PLCB1: variants seen among roughly 807,000 people sequenced by gnomAD.
PLCB1 encodes phospholipase C beta 1, also known as 1-phosphatidylinositol 4,5-bisphosphate phosphodiesterase beta-1.
A neutral mutation model predicts 161.8 loss-of-function variants in PLCB1; 46 were observed. That is an observed-to-expected ratio of 0.28 (90% CI 0.22 to 0.36). The LOEUF is 0.36. Among genes scored for constraint, PLCB1 ranks in the 10% least tolerant of loss-of-function variants. The pLI, the probability that PLCB1 is intolerant of heterozygous loss-of-function variation, is 1.00. For missense variants in PLCB1, 1,016 were observed against 1,472.5 expected (o/e 0.69, Z 5.07); for synonymous variants, 517 against 503.7 (o/e 1.03, Z -0.35).
intron 2 of PLCB1, among the ~76,000 whole-genome samples, chr20:8,255,460 G>A (rs1183730496): frequency 1.3e-5 from 2 of 151,966 alleles, no homozygotes; most frequent in Non-Finnish European, 2.9e-5. Context: ...TTTAAAGAAT[G>A]TTATAGTTGT....
intron 2 of PLCB1, among the ~76,000 whole-genome samples, chr20:8,315,572 T>C (rs1238603988): frequency 1.3e-5 from 2 of 152,206 alleles, no homozygotes; most frequent in Non-Finnish European, 2.9e-5. Context: ...ACTTGTGTTC[T>C]TGTGTTCTTA....
At chr20:8,648,983 A>C (rs967422067) in intron 6 of PLCB1, among the ~76,000 whole-genome samples, 3 of 150,942 alleles carry the variant, frequency 2.0e-5, no homozygotes, top group Non-Finnish European at 4.4e-5. Context: ...AAAAGAAATT[A>C]ATTTAAAAGT....
chr20:8,166,531 A>G (rs1600211300), intron 2 of PLCB1, among the ~76,000 whole-genome samples: 1 of 152,072 alleles, frequency 6.6e-6, no homozygotes, highest in Admixed American at 6.6e-5. Context: ...TTATTTTACC[A>G]TCTGGATACA....
At chr20:8,667,411 A>C (rs891022092) in intron 9 of PLCB1, among the ~76,000 whole-genome samples, 1 of 152,214 alleles carries the variant, frequency 6.6e-6, no homozygotes, top group African/African-American at 2.4e-5. Flanking sequence ...AGAATGAAAA[A>C]AAAATTTTTC....
At chr20:8,134,721 T>C (rs2051327909) in intron 1 of PLCB1, among the ~76,000 whole-genome samples, 1 of 151,940 alleles carries the variant, frequency 6.6e-6, no homozygotes, top group Non-Finnish European at 1.5e-5. Context: ...TTGAGGGTAA[T>C]AGAGAGGACG....
intron 3 of PLCB1, among the ~76,000 whole-genome samples, chr20:8,506,289 C>T (rs1421895317): frequency 6.6e-6 from 1 of 152,190 alleles, no homozygotes; most frequent in Non-Finnish European, 1.5e-5. Flanking sequence ...CTCAATTGAA[C>T]TTGCTAATCT....
At chr20:8,609,536 T>C (rs1380217020) in intron 3 of PLCB1, among the ~76,000 whole-genome samples, 1 of 152,198 alleles carries the variant, frequency 6.6e-6, no homozygotes, top group African/African-American at 2.4e-5. Context: ...AACCATCTTT[T>C]TTCTCTTCAA....
chr20:8,822,848 A>G (rs188283080), intron 31 of PLCB1, among the ~76,000 whole-genome samples: 1 of 152,326 alleles, frequency 6.6e-6, no homozygotes, highest in Admixed American at 6.5e-5. Flanking sequence ...ATATCTCTAT[A>G]AAGTTCCCTG....
At chr20:8,577,311 A>G (rs745311413) in intron 3 of PLCB1, among the ~76,000 whole-genome samples, 4 of 150,676 alleles carry the variant, frequency 2.7e-5, no homozygotes, top group East Asian at 2.0e-4. Context: ...GGTGGCGGGC[A>G]CCTGTAATCC....
chr20:8,776,186 A>G (rs1344591711), intron 27 of PLCB1, among the ~76,000 whole-genome samples: 1 of 152,226 alleles, frequency 6.6e-6, no homozygotes, highest in Non-Finnish European at 1.5e-5. Context: ...TGAGTCATTT[A>G]CAGGAAACAG....
intron 2 of PLCB1, among the ~76,000 whole-genome samples, chr20:8,229,856 C>CATAAA (rs1172390547): frequency 2.0e-3 from 69 of 35,074 alleles, no homozygotes; most frequent in African/African-American, 5.4e-3. Flanking sequence ...GAGCCCATCT[C>CATAAA]ATAAAATAAA....
intron 31 of PLCB1, among the ~76,000 whole-genome samples, chr20:8,844,131 T>G (rs536800115): frequency 5.3e-5 from 8 of 152,336 alleles, no homozygotes; most frequent in African/African-American, 1.9e-4. Flanking sequence ...ATAAAATTAC[T>G]TTTTAAATGG....
At chr20:8,238,999 A>G (rs1980471878) in intron 2 of PLCB1, among the ~76,000 whole-genome samples, 1 of 151,900 alleles carries the variant, frequency 6.6e-6, no homozygotes, top group Non-Finnish European at 1.5e-5. Flanking sequence ...GCATGTCTTT[A>G]GGTAGAGCAA....
At chr20:8,351,660 A>T (rs955998197) in intron 2 of PLCB1, among the ~76,000 whole-genome samples, 25 of 152,174 alleles carry the variant, frequency 1.6e-4, no homozygotes, top group Admixed American at 1.2e-3. Context: ...TAAATAATGT[A>T]AATTAATATT....
chr20:8,884,162 A>G lies in PLCB1; in HGVS notation c.*2313A>G, dbSNP rs976979345. Reference sequence around the variant, plus strand: ...ACTGTAATCACATTTTTATATCTGTACAATGACACTTTTTGCAGTTGTGGG... The same window carrying G: ...ACTGTAATCACATTTTTATATCTGTGCAATGACACTTTTTGCAGTTGTGGG... On this transcript the variant is annotated 3_prime_UTR_variant, in exon 32 of 32. Transcript: ENST00000338037. The G allele has an allele frequency of 6.6e-6, 1 of 152,564 alleles. No individual in the cohort carries two copies. Among genetic ancestry groups the G allele is most frequent in the Non-Finnish European group, 1.5e-5 (1 of 68,026 alleles). The allele number at this position is 152,564 out of a possible 1,614,324, so 9.5% of individuals were successfully genotyped here.
intron 26 of PLCB1, among the ~76,000 whole-genome samples, chr20:8,773,037 G>A (rs150256077): frequency 1.3e-4 from 20 of 152,292 alleles, no homozygotes; most frequent in African/African-American, 4.8e-4. Context: ...TAGAATGTCC[G>A]TCCTCATTTG....
At chr20:8,374,849 A>G (rs1390808787) in intron 3 of PLCB1, among the ~76,000 whole-genome samples, 2 of 152,208 alleles carry the variant, frequency 1.3e-5, no homozygotes, top group Non-Finnish European at 2.9e-5. Flanking sequence ...TTATCAAAAT[A>G]CCCAGGCACC....
intron 3 of PLCB1, among the ~76,000 whole-genome samples, chr20:8,506,986 A>C (rs1473043978): frequency 6.6e-6 from 1 of 152,192 alleles, no homozygotes; most frequent in African/African-American, 2.4e-5. Context: ...CTAAAAACTT[A>C]ATGACTAAGA....
chr20:8,152,713 A>G (rs182957051), intron 2 of PLCB1, among the ~76,000 whole-genome samples: 60 of 151,972 alleles, frequency 3.9e-4, no homozygotes, highest in African/African-American at 1.4e-3. Flanking sequence ...GGAAGCTTGC[A>G]TTGGTATTTA....
Sources: gnomAD v4.1 joint callset for allele counts (sites outside exome capture counted in the v4.1 genomes callset) on GRCh38, gnomAD v4.1.1 for gene constraint, MANE v1.5 for transcripts, NCBI Gene and HGNC (gene_info 2026-07-23, HGNC 2026-07-21) for gene names.